The following GCNT1 variants were observed in gnomAD, a reference collection of about 807,000 sequenced individuals.
GCNT1 encodes glucosaminyl (N-acetyl) transferase 1, also known as beta-1,3-galactosyl-O-glycosyl-glycoprotein beta-1,6-N-acetylglucosaminyltransferase.
GCNT1 carries 16 observed loss-of-function variants against 26.2 expected under a neutral mutation model. The ratio of observed to expected loss-of-function variants is 0.61; its 90% CI spans 0.41 to 0.93. The LOEUF is 0.93. Among genes scored for constraint, GCNT1 ranks in the 40% least tolerant of loss-of-function variants. The pLI, the probability that GCNT1 is intolerant of heterozygous loss-of-function variation, is 0.00. For synonymous variants in GCNT1, 183 were observed against 190.8 expected, an observed-to-expected ratio of 0.96 and a Z score of 0.34; for missense variants, 477 against 526.7, an observed-to-expected ratio of 0.91 and a Z score of 0.92.
chr9:76,497,372 A>C (rs1378787700), intron 2 of GCNT1, among the ~76,000 whole-genome samples: 2 of 152,194 alleles, frequency 1.3e-5, no homozygotes, highest in Non-Finnish European at 2.9e-5. Context: ...AGTTTTACTT[A>C]AGAAAACGTT....
intron 1 of GCNT1, among the ~76,000 whole-genome samples, chr9:76,445,864 C>T (rs1823568760): frequency 7.2e-6 from 1 of 139,720 alleles, no homozygotes; most frequent in Non-Finnish European, 1.6e-5. Flanking sequence ...GTGCCTGTTC[C>T]AGCTACTCAA....
At chr9:76,455,590 T>TA (rs11407630), upstream of GCNT1, among the ~76,000 whole-genome samples, 5 of 152,174 alleles carry the variant, frequency 3.3e-5, no homozygotes, top group African/African-American at 1.2e-4. Context: ...ACTTTTTTTT[T>TA]AATTTATTCT....
At chr9:76,431,690 A>C (rs1001606834) in intron 1 of GCNT1, among the ~76,000 whole-genome samples, 2 of 152,210 alleles carry the variant, frequency 1.3e-5, no homozygotes, top group Non-Finnish European at 2.9e-5. Context: ...TCGGGAGGTC[A>C]GGCTGATATC....
Position 76,503,255 on chromosome 9 carries a change from A to G in GCNT1, c.874A>G (p.Ser292Gly), listed in dbSNP as rs369641865. ...TTCTGGCAGTGCCTACTTCGTGGTC[A>G]GTAGGGAGTATGTGGGGTATGTACT... Reference protein sequence around the residue: ...LFSGSAYFVVSREYVGYVLQN... With the variant: ...LFSGSAYFVVGREYVGYVLQN... Residue 292 changes from serine (S) to glycine (G), a missense_variant, in exon 4 of 4, where the codon AGT (serine) becomes GGT (glycine). Ser to Gly is a moderately conservative substitution (Grantham distance 56). Coordinates refer to ENST00000376730, the MANE Select transcript of GCNT1 (RefSeq NM_001490.5). The G allele has an allele frequency of 1.9e-6, 3 of 1,614,190 alleles. No individual in the cohort carries two copies. Among genetic ancestry groups the G allele is most frequent in the Non-Finnish European group, 2.5e-6 (3 of 1,180,028 alleles).
At chr9:76,502,156 ACTCT>A (rs71499157) in intron 3 of GCNT1, 79 bp from the exon 4 acceptor site, 2,972 of 150,196 alleles carry the variant, frequency 0.02, 83 homozygotes, top group African/African-American at 0.079. Context: ...ATTGTGAAAA[ACTCT>A]CTCTCTCTCT....
upstream of GCNT1, among the ~76,000 whole-genome samples, chr9:76,439,223 CTTTTT>C (rs71499153): frequency 4.2e-5 from 5 of 120,128 alleles, no homozygotes; most frequent in African/African-American, 1.2e-4. Flanking sequence ...TTTTCTTTTT[CTTTTT>C]TTTTTTTTTT....
intron 1 of GCNT1, among the ~76,000 whole-genome samples, chr9:76,428,900 G>A (rs958053094): frequency 2.0e-5 from 3 of 152,018 alleles, no homozygotes; most frequent in East Asian, 1.9e-4. Flanking sequence ...AGGTTTCTCC[G>A]TGTTGGTCAG....
upstream of GCNT1, among the ~76,000 whole-genome samples, chr9:76,437,434 G>A (rs911540921): frequency 6.6e-6 from 1 of 152,132 alleles, no homozygotes; most frequent in African/African-American, 2.4e-5. Context: ...CGCCATGACA[G>A]TTTACAAATG....
At chr9:76,447,719 A>G (rs1823600313) in intron 1 of GCNT1, among the ~76,000 whole-genome samples, 1 of 152,196 alleles carries the variant, frequency 6.6e-6, no homozygotes, top group South Asian at 2.1e-4. Context: ...GAGGATGTTT[A>G]TTAAATAATT....
At chr9:76,405,479 A>G in the GCNT1 span, among the ~76,000 whole-genome samples, 1 of 152,234 alleles carries the variant, frequency 6.6e-6, no homozygotes, top group East Asian at 1.9e-4. Context: ...ACCGACTTGT[A>G]TCCACCATTA....
intron 2 of GCNT1, among the ~76,000 whole-genome samples, chr9:76,493,023 G>A (rs903738037): frequency 2.6e-5 from 4 of 152,122 alleles, no homozygotes; most frequent in African/African-American, 9.7e-5. Flanking sequence ...ATTGACCCTC[G>A]AGGGAGTCGG....
At position 76,469,228 on chromosome 9, in the gene GCNT1, T is replaced by C. The variant is rs527359785; in HGVS notation, c.-290+9051T>C. Among the ~76,000 whole-genome samples, 10 of 152,296 alleles carry C rather than the reference T, an allele frequency of 6.6e-5. No homozygotes were observed. In the East Asian group the frequency reaches 1.9e-3, roughly 29 times the overall value. ...TGATACATGTAATTTATTAGTACAA[T>C]AGTGAGAGACAGGACTAGCTGGATT... On this transcript the variant is annotated intron_variant, in intron 2 of 3. Coordinates refer to ENST00000376730, the MANE Select transcript of GCNT1 (RefSeq NM_001490.5).
At chr9:76,459,492 T>G (rs1417001674) in intron 1 of GCNT1, among the ~76,000 whole-genome samples, 187 bp downstream of exon 1, 2 of 152,144 alleles carry the variant, frequency 1.3e-5, no homozygotes, top group African/African-American at 2.4e-5. Flanking sequence ...GCCTCTTCCT[T>G]CCACCTTCAT....
chr9:76,413,987 C>T, the GCNT1 span, among the ~76,000 whole-genome samples: 1 of 152,154 alleles, frequency 6.6e-6, no homozygotes, highest in African/African-American at 2.4e-5. Context: ...GTGCAATCTA[C>T]TAATAAGCCC....
intron 2 of GCNT1, among the ~76,000 whole-genome samples, chr9:76,483,398 GA>G (rs1412811288): frequency 7.5e-6 from 1 of 132,998 alleles, no homozygotes; most frequent in Admixed American, 7.6e-5. Flanking sequence ...TACTATTAAG[GA>G]GGGGTTTTTT....
intron 2 of GCNT1, among the ~76,000 whole-genome samples, chr9:76,485,066 C>T (rs957527459): frequency 6.6e-6 from 1 of 151,946 alleles, no homozygotes; most frequent in Non-Finnish European, 1.5e-5. Flanking sequence ...GGATTACTGG[C>T]GTGAGCCGCC....
chr9:76,448,349 G>A (rs1397770954), intron 1 of GCNT1, among the ~76,000 whole-genome samples: 2 of 152,136 alleles, frequency 1.3e-5, no homozygotes, highest in East Asian at 1.9e-4. Flanking sequence ...GTACTTGGGA[G>A]GCTGAGGTGG....
chr9:76,463,051 AG>A (rs1399599078), intron 2 of GCNT1, among the ~76,000 whole-genome samples: 2 of 152,206 alleles, frequency 1.3e-5, no homozygotes, highest in Admixed American at 6.5e-5. Flanking sequence ...ACTTTCTCAA[AG>A]GGAGCGCTAC....
At chr9:76,399,713 A>G in the GCNT1 span, 3 of 617,430 alleles carry the variant, frequency 4.9e-6, no homozygotes, top group Non-Finnish European at 8.5e-6. Flanking sequence ...CTCCCACTGA[A>G]TGCAAATGGA....
Sources: gnomAD v4.1 joint callset for allele counts (sites outside exome capture counted in the v4.1 genomes callset) on GRCh38, gnomAD v4.1.1 for gene constraint, MANE v1.5 for transcripts, NCBI Gene and HGNC (gene_info 2026-07-23, HGNC 2026-07-21) for gene names.